The following PPARGC1A variants were observed in gnomAD, a reference collection of about 807,000 sequenced individuals.
The protein encoded by PPARGC1A is PPARG coactivator 1 alpha.
In PPARGC1A, 25 loss-of-function variants were observed where a neutral mutation model predicts 88.7. The ratio of observed to expected loss-of-function variants is 0.28; its 90% CI spans 0.21 to 0.39. The LOEUF (loss-of-function observed/expected upper bound fraction) is 0.39. PPARGC1A is among the 10% of genes least tolerant of loss of function. PPARGC1A has a pLI of 1.00. For synonymous variants in PPARGC1A, 363 were observed against 355.6 expected (o/e 1.02, Z -0.24); for missense variants, 880 against 968.7 (o/e 0.91, Z 1.22).
the PPARGC1A span, among the ~76,000 whole-genome samples, chr4:24,115,811 A>G: frequency 1.3e-5 from 2 of 152,098 alleles, no homozygotes; most frequent in African/African-American, 4.8e-5. Context: ...TTCCTCTCTG[A>G]TAAGATCAGA....
chr4:23,965,901 GCTT>G, the PPARGC1A span, among the ~76,000 whole-genome samples: 3 of 152,094 alleles, frequency 2.0e-5, no homozygotes, highest in African/African-American at 4.8e-5. Flanking sequence ...ATCTTGTCAT[GCTT>G]CTTGTTTCTT....
the PPARGC1A span, among the ~76,000 whole-genome samples, chr4:24,322,358 G>A: frequency 3.9e-5 from 6 of 152,236 alleles, no homozygotes; most frequent in Admixed American, 2.0e-4. Flanking sequence ...TTGTAGCTTC[G>A]CTACAATGGA....
the PPARGC1A span, among the ~76,000 whole-genome samples, chr4:23,972,161 A>G: frequency 3.3e-5 from 5 of 152,254 alleles, no homozygotes; most frequent in Non-Finnish European, 5.9e-5. Context: ...TTTGAAATGT[A>G]AAACATCAGA....
the PPARGC1A span, among the ~76,000 whole-genome samples, chr4:24,435,882 C>T: frequency 6.6e-6 from 1 of 152,146 alleles, no homozygotes; most frequent in South Asian, 2.1e-4. Flanking sequence ...GCTTTTTCTG[C>T]AATTTAGTTA....
At chr4:24,416,913 C>T in the PPARGC1A span, among the ~76,000 whole-genome samples, 1 of 152,082 alleles carries the variant, frequency 6.6e-6, no homozygotes, top group Non-Finnish European at 1.5e-5. Context: ...TGCCTGTAAT[C>T]CCAGCTACTC....
intron 2 of PPARGC1A, among the ~76,000 whole-genome samples, chr4:23,849,807 A>AT (rs201793553): frequency 0.24 from 34,176 of 144,472 alleles, 3,997 homozygotes; most frequent in Non-Finnish European, 0.25. Context: ...TAGATTTAGA[A>AT]TTTTTTTTTT....
the PPARGC1A span, among the ~76,000 whole-genome samples, chr4:23,942,578 C>T: frequency 5.1e-4 from 77 of 152,306 alleles, no homozygotes; most frequent in African/African-American, 1.7e-3. Context: ...TGAATCTGTA[C>T]AGCTCTGTGT....
the PPARGC1A span, among the ~76,000 whole-genome samples, chr4:24,434,419 T>C: frequency 3.3e-5 from 5 of 152,098 alleles, no homozygotes; most frequent in Admixed American, 3.3e-4. Flanking sequence ...TCAGTAATGG[T>C]ATATAGAATT....
the PPARGC1A span, among the ~76,000 whole-genome samples, chr4:24,381,055 G>A: frequency 6.6e-6 from 1 of 152,060 alleles, no homozygotes; most frequent in African/African-American, 2.4e-5. Context: ...TCTGACAATT[G>A]GGAGACATCA....
At chr4:24,435,602 AC>A in the PPARGC1A span, among the ~76,000 whole-genome samples, 1 of 152,076 alleles carries the variant, frequency 6.6e-6, no homozygotes, top group African/African-American at 2.4e-5. Context: ...AGGTGAGACA[AC>A]CTCTCCTCAT....
the PPARGC1A span, among the ~76,000 whole-genome samples, chr4:24,297,826 A>G: frequency 3.9e-5 from 6 of 152,194 alleles, no homozygotes; most frequent in Non-Finnish European, 8.8e-5. Context: ...ACAGGTTGCT[A>G]ATACGTAACC....
chr4:23,951,325 A>C, the PPARGC1A span, among the ~76,000 whole-genome samples: 1 of 152,106 alleles, frequency 6.6e-6, no homozygotes, highest in Admixed American at 6.6e-5. Context: ...AAACCCTATA[A>C]GTGTTTATAC....
At chr4:23,881,944 G>A (rs1218514199) in intron 2 of PPARGC1A, 1 of 152,174 alleles carries the variant, frequency 6.6e-6, no homozygotes, top group Non-Finnish European at 1.5e-5. Context: ...AGAGTTATCT[G>A]GTTTCATACG....
chr4:24,294,344 G>A, the PPARGC1A span, among the ~76,000 whole-genome samples: 1 of 152,076 alleles, frequency 6.6e-6, no homozygotes. Context: ...CACAGGTAAT[G>A]TCTTTAAAAT....
chr4:24,230,870 G>C, the PPARGC1A span, among the ~76,000 whole-genome samples: 1 of 151,720 alleles, frequency 6.6e-6, no homozygotes, highest in Admixed American at 6.6e-5. Flanking sequence ...TGACCAAGGG[G>C]CTGTACCTGG....
the PPARGC1A span, among the ~76,000 whole-genome samples, chr4:24,302,171 TTGA>T: frequency 2.0e-5 from 3 of 152,176 alleles, no homozygotes; most frequent in Non-Finnish European, 4.4e-5. Flanking sequence ...AGGAAATGGT[TTGA>T]TGATAGAATA....
the PPARGC1A span, among the ~76,000 whole-genome samples, chr4:23,969,618 C>T: frequency 2.6e-5 from 4 of 152,124 alleles, no homozygotes; most frequent in Non-Finnish European, 4.4e-5. Context: ...AACTGGAAGG[C>T]GTGGATTGTT....
upstream of PPARGC1A, among the ~76,000 whole-genome samples, chr4:23,902,709 C>T (rs187657339): frequency 6.6e-6 from 1 of 152,228 alleles, no homozygotes; most frequent in East Asian, 1.9e-4. Flanking sequence ...CTGTTTCCTT[C>T]CTAGAGACTA....
chr4:24,317,206 T>A, the PPARGC1A span, among the ~76,000 whole-genome samples: 1 of 152,080 alleles, frequency 6.6e-6, no homozygotes, highest in Non-Finnish European at 1.5e-5. Context: ...TATTTATTCA[T>A]GTGTTCATTC....
Sources: gnomAD v4.1 joint callset for allele counts (sites outside exome capture counted in the v4.1 genomes callset) on GRCh38, gnomAD v4.1.1 for gene constraint, MANE v1.5 for transcripts, NCBI Gene and HGNC (gene_info 2026-07-23, HGNC 2026-07-21) for gene names.